ILDR2: variants seen among roughly 807,000 people sequenced by gnomAD.
ILDR2 encodes the protein immunoglobulin-like domain-containing receptor 2.
In ILDR2, 25 loss-of-function variants were observed where a neutral mutation model predicts 66.8. The ratio of observed to expected loss-of-function variants is 0.37; its 90% CI spans 0.27 to 0.52. The LOEUF (loss-of-function observed/expected upper bound fraction) is 0.52, where lower values mean the gene tolerates loss of function less well. Among genes scored for constraint, ILDR2 ranks in the 20% least tolerant of loss-of-function variants. ILDR2 has a pLI of 0.88. For synonymous variants in ILDR2, 367 were observed against 357.2 expected (o/e 1.03, Z -0.31); for missense variants, 827 against 876.8 (o/e 0.94, Z 0.72).
chr1:166,931,818 A>G (rs954797963), intron 6 of ILDR2, among the ~76,000 whole-genome samples: 1 of 152,236 alleles, frequency 6.6e-6, no homozygotes, highest in South Asian at 2.1e-4. Context: ...GTGGACAACA[A>G]TGCCATCCAC....
chr1:166,965,355 T>C (rs893267130), intron 1 of ILDR2, among the ~76,000 whole-genome samples: 1 of 152,108 alleles, frequency 6.6e-6, no homozygotes, highest in African/African-American at 2.4e-5. Context: ...GAGGGTAATT[T>C]TATATAATAT....
At position 166,910,209 on chromosome 1, in the gene ILDR2, C is replaced by G. The variant is rs1659446423; in HGVS notation, c.*9146G>C. 6.6e-6 allele frequency: 1 copy of G among 152,170 alleles called. No homozygotes were observed. Among genetic ancestry groups the G allele is most frequent in the African/African-American group, 2.4e-5 (1 of 41,528 alleles). The allele number at this position is 152,170 out of a possible 1,614,324, so 9.4% of individuals were successfully genotyped here. A position where few individuals can be genotyped will look rare whatever the true frequency, so the allele number is the denominator to read the frequency against. On this transcript the variant is annotated 3_prime_UTR_variant, in exon 10 of 10. Transcript: ENST00000271417. Reference sequence around the variant, plus strand: ...AATTGTAATTCCATGGTGTTAAAAGCACACTTTAAAATAGCTTTAAATCAC... The same window carrying G: ...AATTGTAATTCCATGGTGTTAAAAGGACACTTTAAAATAGCTTTAAATCAC...
intron 6 of ILDR2, among the ~76,000 whole-genome samples, chr1:166,929,156 A>T (rs1660480292): frequency 6.6e-6 from 1 of 152,130 alleles, no homozygotes; most frequent in South Asian, 2.1e-4. Flanking sequence ...CCTATGTAGG[A>T]CTCAGTTTTC....
Position 166,920,893 on chromosome 1 carries a change from G to A in ILDR2, c.1698C>T (p.Tyr566=), listed in dbSNP as rs1383636687. Residue 566 remains tyrosine (Y), a synonymous_variant, in exon 9 of 10, where the codon TAC becomes TAT. Coordinates refer to ENST00000271417, the MANE Select transcript of ILDR2 (RefSeq NM_199351.3). ...AQLGPRSASY[Y]AWSPPGTYKA... ...TGTAGGTGCCGGGCGGCGACCAAGCGTAGTAGGAGGCGCTGCGCGGGCCGA... is the reference window on the plus strand; with the variant it reads ...TGTAGGTGCCGGGCGGCGACCAAGCATAGTAGGAGGCGCTGCGCGGGCCGA... The A allele has an allele frequency of 2.0e-6, 3 of 1,485,104 alleles. No homozygotes were observed. Among genetic ancestry groups the A allele is most frequent in the Non-Finnish European group, 2.7e-6 (3 of 1,122,930 alleles). The allele number at this position is 1,485,104 out of a possible 1,614,324, so 92.0% of individuals were successfully genotyped here.
rs776666338 is a variant in ILDR2, at chr1:166,956,812, G to A, written c.420C>T (p.Ser140=). 62 of 1,613,652 alleles carry A rather than the reference G, an allele frequency of 3.8e-5. No homozygotes were observed. The highest frequency in any genetic ancestry group is 6.7e-5 in the East Asian group (3 of 44,876). The change falls in exon 3 of 10, where the codon AGC becomes AGT. Residue 140 remains serine (S), a synonymous_variant. Transcript: ENST00000271417. ...TGGTGATAATACAGTAATAGAGTCC[G>A]CTGTCTCCCCACATAAGCTTTCCAA... ...LQIGKLMWGD[S]GLYYCIITTP...
chr1:166,974,516 G>A (rs1005574003), intron 1 of ILDR2, among the ~76,000 whole-genome samples: 1 of 152,226 alleles, frequency 6.6e-6, no homozygotes, highest in African/African-American at 2.4e-5. Context: ...GAAGCCCAAT[G>A]CCTCTAAATC....
chr1:166,919,488 C>T, intron 9 of ILDR2, 98 bp from the exon 10 acceptor site: 1 of 1,048,366 alleles, frequency 9.5e-7, no homozygotes, highest in Non-Finnish European at 1.4e-6. Flanking sequence ...ACAACCCGTT[C>T]AGTGCCAGGC....
chr1:166,969,711 C>G (rs1663168099), intron 1 of ILDR2, among the ~76,000 whole-genome samples: 1 of 152,220 alleles, frequency 6.6e-6, no homozygotes, highest in Non-Finnish European at 1.5e-5. Context: ...TATCCAATGC[C>G]CCATAATAGA....
chr1:166,969,155 C>T (rs959762809), intron 1 of ILDR2, among the ~76,000 whole-genome samples: 1 of 152,104 alleles, frequency 6.6e-6, no homozygotes, highest in Admixed American at 6.5e-5. Flanking sequence ...CCTAAGCTGG[C>T]ATCAAATCCA....
At chr1:166,924,259 C>T (rs941161761) in intron 7 of ILDR2, among the ~76,000 whole-genome samples, 1 of 152,138 alleles carries the variant, frequency 6.6e-6, no homozygotes, top group Non-Finnish European at 1.5e-5. Flanking sequence ...AAATCTAGAA[C>T]TTTTCCTTTC....
In ILDR2 at chr1:166,921,349, C is replaced by T; in HGVS notation, c.1242G>A (p.Ser414=). The T allele has an allele frequency of 1.3e-6, 2 of 1,579,116 alleles. No individual in the cohort carries two copies. The highest frequency in any genetic ancestry group is 1.7e-6 in the Non-Finnish European group (2 of 1,158,568). Residue 414 remains serine (S), a synonymous_variant, in exon 9 of 10, where the codon TCG becomes TCA. Coordinates refer to ENST00000271417, the MANE Select transcript of ILDR2 (RefSeq NM_199351.3). The surrounding 1 kb of genome is among the most constrained non-coding windows in gnomAD (Gnocchi z 5.3). ...GCACCCCCGTGGCGAAGTTCTTCCG[C>T]GACAGCATCTCCGACTTGGAGCGCG... ...SQPRSKSEML[S]RKNFATGVPA...
intron 5 of ILDR2, 143 bp from the exon 6 acceptor site, chr1:166,935,620 A>G: frequency 1.4e-6 from 1 of 702,804 alleles, no homozygotes; most frequent in Non-Finnish European, 2.2e-6. Flanking sequence ...CTAAAACTGA[A>G]CTGATTCATC....
downstream of ILDR2, among the ~76,000 whole-genome samples, chr1:166,903,571 C>G (rs1351359530): frequency 6.6e-6 from 1 of 152,112 alleles, no homozygotes; most frequent in African/African-American, 2.4e-5. Context: ...GTTAGCTATC[C>G]AGATAAGAAC....
intron 3 of ILDR2, among the ~76,000 whole-genome samples, chr1:166,945,588 T>G (rs1404092802): frequency 6.6e-6 from 1 of 152,198 alleles, no homozygotes; most frequent in African/African-American, 2.4e-5. Context: ...TGGTCTCTAC[T>G]CTTAAAACTT....
chr1:166,907,753 G>A (rs1316210927), downstream of ILDR2, among the ~76,000 whole-genome samples: 1 of 152,110 alleles, frequency 6.6e-6, no homozygotes, highest in African/African-American at 2.4e-5. Context: ...CATATTTTGA[G>A]TGACATAGCC....
At chr1:166,896,569 A>G (rs1256165224) in intron 2 of ILDR2, among the ~76,000 whole-genome samples, 2 of 146,562 alleles carry the variant, frequency 1.4e-5, no homozygotes, top group Non-Finnish European at 3.0e-5. Context: ...TATATATCTC[A>G]TGTTGAAATG....
At chr1:166,970,593 G>A (rs1663227574) in intron 1 of ILDR2, among the ~76,000 whole-genome samples, 1 of 152,128 alleles carries the variant, frequency 6.6e-6, no homozygotes, top group Non-Finnish European at 1.5e-5. Context: ...CCCAGGTCAG[G>A]GCTCTTTCTA....
chr1:166,934,599 G>A (rs1371356288), intron 6 of ILDR2, among the ~76,000 whole-genome samples: 1 of 152,168 alleles, frequency 6.6e-6, no homozygotes, highest in African/African-American at 2.4e-5. Flanking sequence ...ATCTTCTGGA[G>A]GGGTTTCAAG....
At position 166,957,940 on chromosome 1, in the gene ILDR2, A is replaced by G. The variant is rs774470773; in HGVS notation, c.208T>C (p.Leu70=). 1 of 1,614,138 alleles carries G rather than the reference A, an allele frequency of 6.2e-7. No homozygotes were observed. Among genetic ancestry groups the G allele is most frequent in the Non-Finnish European group, 8.5e-7 (1 of 1,180,020 alleles). The change falls in exon 2 of 10, where the codon TTG becomes CTG. Residue 70 remains leucine, a synonymous_variant. Transcript: ENST00000271417. The stretch of plus-strand genomic sequence containing the variant: ...TGGGCCCGGGTAGAGGACATGCCCA[A>G]GGATTCTCCCATGCGATCCTGGCAG... ...SYCQDRMGES[L]GMSSTRAQSL...
Sources: gnomAD v4.1 joint callset for allele counts (sites outside exome capture counted in the v4.1 genomes callset) on GRCh38, gnomAD v4.1.1 for gene constraint, Gnocchi (gnomAD v3.1) non-coding constraint, MANE v1.5 for transcripts, NCBI Gene and HGNC (gene_info 2026-07-23, HGNC 2026-07-21) for gene names.